The following CR1 variants were observed in gnomAD, a reference collection of about 807,000 sequenced individuals.
CR1 encodes the protein complement receptor type 1.
A neutral mutation model predicts 187.3 loss-of-function variants in CR1; 116 were observed. That is an observed-to-expected ratio of 0.62 (90% CI 0.53 to 0.72). CR1 has a LOEUF of 0.72. Ranked by LOEUF, CR1 falls within the 30% of genes least tolerant of loss-of-function variation. CR1 has a pLI of 0.00. For missense variants in CR1, 1,731 were observed against 2,110.7 expected (o/e 0.82, Z 3.52); for synonymous variants, 576 against 747.1 (o/e 0.77, Z 3.73).
In CR1 at chr1:207,578,011, T is replaced by G. The variant is rs1225565505; in HGVS notation, c.4744T>G (p.Cys1582Gly). The change falls in exon 29 of 47, where the codon TGC (cysteine) becomes GGC (glycine). Residue 1582 changes from cysteine (C) to glycine (G), a missense_variant. Physicochemically the swap from Cys to Gly is radical, Grantham distance 159. This residue lies in a region of CR1 where 1,312 missense variants were observed against 1,379.6 expected (regional missense o/e 0.95). Coordinates refer to ENST00000367049, the MANE Select transcript of CR1 (RefSeq NM_000651.6). ...CATCTGGAGCGGCCCCGCCCCTCAG[T>G]GCATTATACCTAACAAATGCACGCC... ...VGIWSGPAPQCIIPNKCTPPN... is the reference protein window; with the variant it reads ...VGIWSGPAPQGIIPNKCTPPN... 3.7e-6 allele frequency: 6 copies of G among 1,611,796 alleles called. No homozygotes were observed. Among genetic ancestry groups the G allele is most frequent in the Non-Finnish European group, 8.5e-7 (1 of 1,179,680 alleles).
At chr1:207,568,091 C>T in intron 25 of CR1, 49 bp downstream of exon 25, 6 of 1,610,712 alleles carry the variant, frequency 3.7e-6, no homozygotes, top group South Asian at 1.1e-5. Context: ...ATATCTAACC[C>T]AGCCCCTCCA....
intron 27 of CR1, among the ~76,000 whole-genome samples, chr1:207,573,322 G>T (rs1195611570): frequency 2.0e-5 from 3 of 152,132 alleles, no homozygotes; most frequent in Non-Finnish European, 2.9e-5. Flanking sequence ...GCCAGCATAG[G>T]CCTCACAGAC....
rs754667595 is a variant in CR1 at position 207,621,974 on chromosome 1, T to G, written c.7254T>G (p.Arg2418=). 2 of 1,598,652 alleles carry G rather than the reference T, an allele frequency of 1.3e-6. No homozygotes were observed. Among genetic ancestry groups the G allele is most frequent in the South Asian group, 2.3e-5 (2 of 88,842 alleles). The change falls in exon 44 of 47, where the codon CGT becomes CGG. Residue 2418 remains arginine, a splice_region_variant and synonymous_variant. Transcript: ENST00000367049. ...TTGTGACTTTTGTCTTCCTTTTAGG[T>G]ACACATGATGCTCTCATAGTTGGTA... The part of the protein sequence containing the change: ...WDPPLAKCTS[R]THDALIVGTL...
intron 4 of CR1, among the ~76,000 whole-genome samples, chr1:207,522,903 G>GT (rs1414980780): frequency 2.6e-5 from 4 of 152,142 alleles, no homozygotes; most frequent in African/African-American, 9.7e-5. Flanking sequence ...ACTTTAAAAT[G>GT]TATTTAGGGG....
chr1:207,581,889 C>T (rs911111350), intron 31 of CR1, 29 bp from the exon 32 acceptor site: 4 of 1,497,852 alleles, frequency 2.7e-6, no homozygotes, highest in East Asian at 2.3e-5. Flanking sequence ...ATGGTGCATT[C>T]ATCCAGCCAC....
At chr1:207,603,086 A>G (rs545339467) in intron 35 of CR1, among the ~76,000 whole-genome samples, 49 of 152,258 alleles carry the variant, frequency 3.2e-4, no homozygotes, top group Admixed American at 8.5e-4. Context: ...TAATGTAATC[A>G]GTTTCAATGA....
At chr1:207,592,657 C>T (rs747859963) in intron 35 of CR1, among the ~76,000 whole-genome samples, 13 of 152,150 alleles carry the variant, frequency 8.5e-5, no homozygotes, top group Non-Finnish European at 1.8e-4. Context: ...GTCAAATTGT[C>T]TCTGTTTGCA....
rs1211906620 is a variant in CR1, at chr1:207,578,013, C to T, written c.4746C>T (p.Cys1582=). The stretch of plus-strand genomic sequence containing the variant: ...TCTGGAGCGGCCCCGCCCCTCAGTG[C>T]ATTATACCTAACAAATGCACGCCTC... ...VGIWSGPAPQ[C]IIPNKCTPPN... is the part of the protein sequence containing the mutation. Residue 1582 remains cysteine, a synonymous_variant, in exon 29 of 47, where the codon TGC becomes TGT. Coordinates refer to ENST00000367049, the MANE Select transcript of CR1 (RefSeq NM_000651.6). 2 of 1,611,624 alleles carry T rather than the reference C, an allele frequency of 1.2e-6. No individual in the cohort carries two copies. Among genetic ancestry groups the T allele is most frequent in the African/African-American group, 1.3e-5 (1 of 74,776 alleles).
chr1:207,498,471 G>A (rs1365480249), intron 1 of CR1, among the ~76,000 whole-genome samples: 1 of 152,132 alleles, frequency 6.6e-6, no homozygotes, highest in Non-Finnish European at 1.5e-5. Context: ...ACTTAGATTA[G>A]CTGCAAATAG....
chr1:207,500,464 T>A (rs58713623), intron 1 of CR1, among the ~76,000 whole-genome samples: 2,019 of 152,294 alleles, frequency 0.013, 51 homozygotes, highest in African/African-American at 0.046. Context: ...AAAGTGATGA[T>A]GTGTTAATTG....
At chr1:207,597,295 TTTTGAAAGACAAAGGC>T (rs1481044884) in intron 35 of CR1, among the ~76,000 whole-genome samples, 1 of 152,120 alleles carries the variant, frequency 6.6e-6, no homozygotes, top group African/African-American at 2.4e-5. Flanking sequence ...CAATCCCCCC[TTTTGAAAGACAAAGGC>T]TTCTAAATAT....
In CR1 at chr1:207,496,232, G is replaced by C. The variant is rs1321913413; in HGVS notation, c.-36G>C. 6.2e-7 allele frequency: 1 copy of C among 1,613,456 alleles called. No individual in the cohort carries two copies. The highest frequency in any genetic ancestry group is 2.2e-5 in the East Asian group (1 of 44,854). On this transcript the variant is annotated 5_prime_UTR_variant, in exon 1 of 47. Transcript: ENST00000367049. Reference sequence around the variant, plus strand: ...TTTTCCTCTTATTTCAGTTTTCTTCGAGATCAAATCTGGTTTGTAGATGTG... The same window carrying C: ...TTTTCCTCTTATTTCAGTTTTCTTCCAGATCAAATCTGGTTTGTAGATGTG...
chr1:207,508,334 G>A (rs1160334621), intron 3 of CR1, among the ~76,000 whole-genome samples: 2 of 152,172 alleles, frequency 1.3e-5, no homozygotes, highest in East Asian at 1.9e-4. Flanking sequence ...CCTCAATTGC[G>A]AAAAACGTAC....
intron 1 of CR1, among the ~76,000 whole-genome samples, chr1:207,500,158 G>T (rs1659222644): frequency 6.6e-6 from 1 of 152,158 alleles, no homozygotes; most frequent in South Asian, 2.1e-4. Context: ...CAATGTGACT[G>T]TTTTTTGTCC....
chr1:207,510,649 T>C (rs192588062), intron 3 of CR1, among the ~76,000 whole-genome samples: 4 of 152,290 alleles, frequency 2.6e-5, no homozygotes, highest in African/African-American at 9.6e-5. Context: ...TTGCTGACTT[T>C]AGTATTTTAA....
rs1029964548 is a variant in CR1 at position 207,506,996 on chromosome 1, C to A, written c.401+183C>A. 6 of 540,660 alleles carry A rather than the reference C, an allele frequency of 1.1e-5. No individual in the cohort carries two copies. The African/African-American group carries it at 1.2e-4, about 11-fold the overall frequency. The allele number at this position is 540,660 out of a possible 1,614,324, so 33.5% of individuals were successfully genotyped here. On this transcript the variant is annotated intron_variant, in intron 3 of 46. Transcript: ENST00000367049. ...AGGTATGACAAGATCGGGGGAAAATCATCTGTATCCTTGCTGGAAACCAAG... is the reference window on the plus strand; with the variant it reads ...AGGTATGACAAGATCGGGGGAAAATAATCTGTATCCTTGCTGGAAACCAAG...
Position 207,607,242 on chromosome 1 carries a change from T to G in CR1, c.5811-9T>G. The stretch of plus-strand genomic sequence containing the variant: ...GTAGCGTATAACCATTTTCTATCCT[T>G]TGCTTTAGGTTTCGACTCATTGGTT... On this transcript the variant is annotated splice_polypyrimidine_tract_variant and intron_variant, in intron 35 of 46. Transcript: ENST00000367049. 6.2e-7 allele frequency: 1 copy of G among 1,607,472 alleles called. No homozygotes were observed. The highest frequency in any genetic ancestry group is 8.5e-7 in the Non-Finnish European group (1 of 1,174,014).
intron 46 of CR1, among the ~76,000 whole-genome samples, chr1:207,638,438 G>C (rs11118222): frequency 0.02 from 2,782 of 141,994 alleles, 95 homozygotes; most frequent in African/African-American, 0.078. Flanking sequence ...ACAGCCTTTA[G>C]TTTAGGCCAA....
chr1:207,618,176 T>C lies in CR1; in HGVS notation c.6995T>C (p.Leu2332Pro), dbSNP rs1298564813. ...TISYICDPGY[L>P]LVGKGFIFCT... Reference sequence around the variant, plus strand: ...AGCTACATTTGTGACCCCGGCTACCTGTTAGTGGGAAAGGGCTTCATTTTC... The same window carrying C: ...AGCTACATTTGTGACCCCGGCTACCCGTTAGTGGGAAAGGGCTTCATTTTC... The change falls in exon 42 of 47, where the codon CTG becomes CCG. Residue 2332 changes from leucine to proline, a missense_variant. By Grantham distance (98) the Leu-to-Pro change is moderately conservative (BLOSUM62 -3). This residue lies in a region of CR1 where 1,312 missense variants were observed against 1,379.6 expected (regional missense o/e 0.95). Coordinates refer to ENST00000367049, the MANE Select transcript of CR1 (RefSeq NM_000651.6). 6.2e-7 allele frequency: 1 copy of C among 1,613,724 alleles called. No homozygotes were observed. The highest frequency in any genetic ancestry group is 1.3e-5 in the African/African-American group (1 of 74,898).
Sources: allele counts gnomAD v4.1 joint callset (sites outside exome capture counted in the v4.1 genomes callset), GRCh38; gene constraint gnomAD v4.1.1; regional missense constraint gnomAD v4.1.1; transcripts MANE v1.5; gene names NCBI Gene and HGNC (gene_info 2026-07-23, HGNC 2026-07-21).